Variants in METTL24 observed in about 807,000 individuals in gnomAD.
METTL24 encodes the protein probable methyltransferase-like protein 24.
Under a neutral mutation model 32.7 loss-of-function variants are expected in METTL24, and 29 were observed. The observed-to-expected ratio is 0.89, with a 90% confidence interval of 0.66 to 1.21. The LOEUF is 1.21. METTL24 is among the 50% of genes most tolerant of loss of function. METTL24 has a pLI of 0.00. For synonymous variants in METTL24, 163 were observed against 179.5 expected (o/e 0.91, Z 0.73); for missense variants, 439 against 468.1 (o/e 0.94, Z 0.57).
At chr6:110,335,566 GTTTTTTTTTTTTT>G (rs527344096) in intron 1 of METTL24, among the ~76,000 whole-genome samples, 1 of 66,112 alleles carries the variant, frequency 1.5e-5, no homozygotes, top group Admixed American at 1.8e-4. Flanking sequence ...GGGAATCATT[GTTTTTTTTTTTTT>G]TTTTTTTTTT....
intron 1 of METTL24, among the ~76,000 whole-genome samples, chr6:110,346,504 CTTTT>C: frequency 7.5e-6 from 1 of 133,954 alleles, no homozygotes; most frequent in African/African-American, 2.9e-5. Context: ...CTCTCTCTCT[CTTTT>C]TTTTTTTTTT....
chr6:110,260,082 C>T (rs1332471596), intron 4 of METTL24, among the ~76,000 whole-genome samples: 1 of 152,224 alleles, frequency 6.6e-6, no homozygotes, highest in African/African-American at 2.4e-5. Flanking sequence ...AGGAACGCAG[C>T]TCCTCACCAG....
intron 4 of METTL24, among the ~76,000 whole-genome samples, chr6:110,287,814 G>C (rs1434297346): frequency 6.6e-6 from 1 of 152,160 alleles, no homozygotes; most frequent in Non-Finnish European, 1.5e-5. Flanking sequence ...CGTACAATAA[G>C]GGGTCTCTGC....
At chr6:110,279,808 C>A (rs964316248) in intron 4 of METTL24, among the ~76,000 whole-genome samples, 1 of 152,102 alleles carries the variant, frequency 6.6e-6, no homozygotes, top group Non-Finnish European at 1.5e-5. Context: ...TTGTGTTGGT[C>A]CATTCTCATG....
intron 1 of METTL24, among the ~76,000 whole-genome samples, chr6:110,354,283 ACT>A (rs1477336356): frequency 2.6e-5 from 4 of 152,076 alleles, no homozygotes; most frequent in African/African-American, 4.8e-5. Context: ...ACACTTCACT[ACT>A]CTTTTTTATA....
intron 1 of METTL24, among the ~76,000 whole-genome samples, chr6:110,343,540 CG>C (rs1772406239): frequency 6.6e-6 from 1 of 151,918 alleles, no homozygotes; most frequent in Non-Finnish European, 1.5e-5. Flanking sequence ...AGGACAGGCC[CG>C]GAAGGAAAGG....
intron 1 of METTL24, among the ~76,000 whole-genome samples, chr6:110,346,220 A>G (rs17491262): frequency 0.012 from 1,789 of 152,352 alleles, 18 homozygotes; most frequent in Non-Finnish European, 0.02. Flanking sequence ...GTCTATACCC[A>G]GTGATAGAAA....
At chr6:110,252,601 G>C (rs1422410896) in intron 4 of METTL24, among the ~76,000 whole-genome samples, 3 of 152,122 alleles carry the variant, frequency 2.0e-5, no homozygotes, top group African/African-American at 7.2e-5. Context: ...ATCTCCATAA[G>C]CATTTTTACA....
intron 3 of METTL24, among the ~76,000 whole-genome samples, chr6:110,300,629 C>G (rs187214988): frequency 5.3e-5 from 8 of 151,964 alleles, no homozygotes; most frequent in African/African-American, 1.9e-4. Context: ...CCATGTTGCC[C>G]AGGCTGGTCT....
At chr6:110,342,967 G>T (rs577157860) in intron 1 of METTL24, among the ~76,000 whole-genome samples, 34 of 152,296 alleles carry the variant, frequency 2.2e-4, no homozygotes, top group African/African-American at 7.2e-4. Flanking sequence ...TAGACATTTG[G>T]ATGGTTTCCA....
In METTL24 at chr6:110,328,958, C is replaced by T. The variant is rs1772065217; in HGVS notation, c.319-6086G>A. 2.0e-5 allele frequency among the ~76,000 whole-genome samples: 3 copies of T among 152,316 alleles called. No individual in the cohort carries two copies. The South Asian group carries it at 6.2e-4, about 32-fold the overall frequency. ...AAGAAATTACCAAAAAATGGTGCCA[C>T]CATCAGCTTGACAAGCATGTTTCTA... On this transcript the variant is annotated intron_variant, in intron 1 of 4. Coordinates refer to ENST00000338882, the MANE Select transcript of METTL24 (RefSeq NM_001123364.3).
intron 4 of METTL24, among the ~76,000 whole-genome samples, chr6:110,286,033 T>C (rs1297305016): frequency 6.6e-6 from 1 of 152,102 alleles, no homozygotes; most frequent in Non-Finnish European, 1.5e-5. Context: ...CTCATGAAAA[T>C]TCCTTGCTCC....
chr6:110,345,766 C>CA (rs1309308360), intron 1 of METTL24, among the ~76,000 whole-genome samples: 2 of 152,060 alleles, frequency 1.3e-5, no homozygotes, highest in African/African-American at 2.4e-5. Context: ...TAGACACTGA[C>CA]TGGGACCTAC....
chr6:110,280,414 T>C lies in METTL24; in HGVS notation c.786+18508A>G, dbSNP rs1027261912. 6.6e-5 allele frequency among the ~76,000 whole-genome samples: 10 copies of C among 152,202 alleles called. No individual in the cohort carries two copies. The South Asian group carries it at 2.1e-3, about 31-fold the overall frequency. On this transcript the variant is annotated intron_variant, in intron 4 of 4. Coordinates refer to ENST00000338882, the MANE Select transcript of METTL24 (RefSeq NM_001123364.3). ...ACCAGGTATTCAATCGCATGGGTTTTATTATACTTCACGTATTCAGTTCCC... is the reference window on the plus strand; with the variant it reads ...ACCAGGTATTCAATCGCATGGGTTTCATTATACTTCACGTATTCAGTTCCC...
intron 4 of METTL24, among the ~76,000 whole-genome samples, chr6:110,256,815 T>C (rs188820274): frequency 3.9e-5 from 6 of 152,340 alleles, no homozygotes; most frequent in Non-Finnish European, 7.3e-5. Flanking sequence ...CAAATGTAAT[T>C]CTTTGTCATT....
intron 1 of METTL24, among the ~76,000 whole-genome samples, chr6:110,338,433 G>A (rs1356730261): frequency 4.6e-5 from 7 of 152,314 alleles, no homozygotes; most frequent in Admixed American, 1.3e-4. Context: ...GGGAGGTGGA[G>A]GTTGCAGTGA....
intron 1 of METTL24, among the ~76,000 whole-genome samples, chr6:110,356,422 G>T (rs943460336): frequency 6.6e-6 from 1 of 151,720 alleles, no homozygotes; most frequent in South Asian, 2.1e-4. Context: ...CAGCCTGGGC[G>T]ACACAGCAAG....
At chr6:110,271,737 G>A (rs758043047) in intron 4 of METTL24, among the ~76,000 whole-genome samples, 1 of 152,118 alleles carries the variant, frequency 6.6e-6, no homozygotes, top group Non-Finnish European at 1.5e-5. Flanking sequence ...AATTATAAAT[G>A]CACAGTTCAT....
chr6:110,301,813 T>C (rs1354573481), intron 3 of METTL24, among the ~76,000 whole-genome samples: 1 of 152,184 alleles, frequency 6.6e-6, no homozygotes, highest in Non-Finnish European at 1.5e-5. Context: ...CAGTTGAAAC[T>C]ACAAAGCATT....
Sources: gnomAD v4.1 joint callset for allele counts (sites outside exome capture counted in the v4.1 genomes callset) on GRCh38, gnomAD v4.1.1 for gene constraint, MANE v1.5 for transcripts, NCBI Gene and HGNC (gene_info 2026-07-23, HGNC 2026-07-21) for gene names.